ABCA9: variants seen among roughly 807,000 people sequenced by gnomAD.
The protein encoded by ABCA9 is ATP binding cassette subfamily A member 9.
In ABCA9, 183 loss-of-function variants were observed where a neutral mutation model predicts 205.3. The observed-to-expected ratio is 0.89, with a 90% CI of 0.79 to 1.01. The LOEUF (loss-of-function observed/expected upper bound fraction) is 1.01, where lower values mean the gene tolerates loss of function less well. Ranked by LOEUF, ABCA9 falls within the 50% of genes least tolerant of loss-of-function variation. The probability of loss-of-function intolerance (pLI) is 0.00; values close to 1 mark genes in which losing one functional copy is unlikely to be tolerated. For missense variants in ABCA9, 1,805 were observed against 1,912.4 expected (o/e 0.94, Z 1.05); for synonymous variants, 651 against 683.3 (o/e 0.95, Z 0.74).
At chr17:68,996,106 T>C (rs1423013872) in intron 25 of ABCA9, 92 bp from the exon 26 acceptor site, 5 of 1,386,418 alleles carry the variant, frequency 3.6e-6, no homozygotes, top group African/African-American at 2.9e-5. Flanking sequence ...TTATAAACGT[T>C]GTTATTTTCA....
upstream of ABCA9, among the ~76,000 whole-genome samples, chr17:69,064,378 C>T (rs912999318): frequency 6.6e-5 from 10 of 152,196 alleles, no homozygotes; most frequent in African/African-American, 2.4e-4. Flanking sequence ...TATAAAAAAT[C>T]AGCCTATGTC....
intron 32 of ABCA9, 54 bp from the exon 33 acceptor site, chr17:68,985,182 G>T: frequency 1.2e-6 from 2 of 1,605,954 alleles, no homozygotes. Context: ...ATGTACATGG[G>T]AGAATGAGCA....
intron 4 of ABCA9, 34 bp downstream of exon 4, chr17:69,045,138 A>T (rs1302670052): frequency 6.3e-7 from 1 of 1,599,922 alleles, no homozygotes; most frequent in Non-Finnish European, 8.5e-7. Context: ...CTGATACAAT[A>T]GCAAAAAAAA....
chr17:69,057,005 T>C (rs2072088799), intron 1 of ABCA9, among the ~76,000 whole-genome samples: 1 of 152,206 alleles, frequency 6.6e-6, no homozygotes, highest in Non-Finnish European at 1.5e-5. Flanking sequence ...CATAAAAATG[T>C]AATTATTGTG....
At chr17:68,993,656 C>A (rs892162438) in intron 26 of ABCA9, among the ~76,000 whole-genome samples, 1 of 152,194 alleles carries the variant, frequency 6.6e-6, no homozygotes, top group East Asian at 1.9e-4. Context: ...TATTTACCAA[C>A]AAGTTTCCTG....
upstream of ABCA9, among the ~76,000 whole-genome samples, chr17:69,063,921 C>CT (rs1166126680): frequency 2.6e-5 from 4 of 152,150 alleles, no homozygotes; most frequent in South Asian, 2.1e-4. Context: ...TTGTTTTGTG[C>CT]TTTTTTTGCC....
chr17:68,989,284 A>C (rs2069364905), intron 30 of ABCA9, 166 bp from the exon 31 acceptor site: 1 of 522,616 alleles, frequency 1.9e-6, no homozygotes, highest in East Asian at 3.1e-5. Context: ...ACACACACAC[A>C]CACACACACA....
Position 69,033,723 on chromosome 17 carries a change from T to C in ABCA9, c.1276+3A>G. On this transcript the variant is annotated splice_donor_region_variant and intron_variant, in intron 9 of 38. Coordinates refer to ENST00000340001, the MANE Select transcript of ABCA9 (RefSeq NM_080283.4). Reference sequence around the variant, plus strand: ...GTTAAATTACAGCCATGTTAGTACTTACCGGGCAAAATTTTGTCAAAATAT... The same window carrying C: ...GTTAAATTACAGCCATGTTAGTACTCACCGGGCAAAATTTTGTCAAAATAT... 6.2e-7 allele frequency: 1 copy of C among 1,605,696 alleles called. No individual in the cohort carries two copies. The highest frequency in any genetic ancestry group is 8.5e-7 in the Non-Finnish European group (1 of 1,175,632).
intron 6 of ABCA9, chr17:69,043,064 TG>T: frequency 5.7e-6 from 1 of 176,002 alleles, no homozygotes; most frequent in Non-Finnish European, 1.2e-5. Context: ...AGATCCCATC[TG>T]GGGGTGATGG....
chr17:69,041,782 C>G (rs2071553544), intron 6 of ABCA9, among the ~76,000 whole-genome samples: 1 of 144,020 alleles, frequency 6.9e-6, no homozygotes, highest in South Asian at 2.2e-4. Flanking sequence ...TTTTTTAGTA[C>G]TGAGTTAACT....
chr17:69,001,934 G>C (rs1465161492), intron 25 of ABCA9, among the ~76,000 whole-genome samples: 3 of 150,818 alleles, frequency 2.0e-5, no homozygotes, highest in African/African-American at 7.3e-5. Context: ...TCTGATGGTA[G>C]TTTGTATTTC....
chr17:69,074,041 C>T, the ABCA9 span, among the ~76,000 whole-genome samples: 2 of 152,044 alleles, frequency 1.3e-5, no homozygotes, highest in African/African-American at 4.8e-5. Context: ...TGTGATTTAT[C>T]ACCTGGTTTT....
At chr17:68,983,272 C>G (rs2069122227) in intron 36 of ABCA9, among the ~76,000 whole-genome samples, 1 of 152,108 alleles carries the variant, frequency 6.6e-6, no homozygotes, top group South Asian at 2.1e-4. Context: ...GATTCTACTC[C>G]TGTCTCCACA....
At chr17:68,984,840 A>C (rs2069174607) in intron 34 of ABCA9, 45 bp downstream of exon 34, 1 of 1,609,272 alleles carries the variant, frequency 6.2e-7, no homozygotes, top group Non-Finnish European at 8.5e-7. Context: ...CAGTTTTCAC[A>C]GGATCAATAC....
chr17:69,062,623 G>A (rs1185041192), upstream of ABCA9, among the ~76,000 whole-genome samples: 1 of 152,050 alleles, frequency 6.6e-6, no homozygotes, highest in Non-Finnish European at 1.5e-5. Flanking sequence ...CGATTCTCCT[G>A]CCTCAGCCTC....
At chr17:69,027,564 G>T in intron 13 of ABCA9, 76 bp downstream of exon 13, 1 of 1,566,250 alleles carries the variant, frequency 6.4e-7, no homozygotes, top group Non-Finnish European at 8.7e-7. Flanking sequence ...GAGGAATTAT[G>T]TATAACTTAG....
At chr17:69,053,731 C>CA (rs1432169026) in intron 1 of ABCA9, among the ~76,000 whole-genome samples, 2 of 151,636 alleles carry the variant, frequency 1.3e-5, no homozygotes, top group South Asian at 4.2e-4. Flanking sequence ...ATGGGAATAC[C>CA]AAAAAGAGAG....
intron 19 of ABCA9, among the ~76,000 whole-genome samples, chr17:69,019,654 G>T (rs1470918939): frequency 6.6e-6 from 1 of 152,158 alleles, no homozygotes; most frequent in Non-Finnish European, 1.5e-5. Flanking sequence ...TAATAATAGA[G>T]TGTTGCATAG....
intron 6 of ABCA9, among the ~76,000 whole-genome samples, chr17:69,037,214 C>A (rs1404128498): frequency 6.6e-6 from 1 of 152,098 alleles, no homozygotes; most frequent in Non-Finnish European, 1.5e-5. Flanking sequence ...ACCAAGCAGA[C>A]CTAATAGACA....
Sources: gnomAD v4.1 joint callset for allele counts (sites outside exome capture counted in the v4.1 genomes callset) on GRCh38, gnomAD v4.1.1 for gene constraint, MANE v1.5 for transcripts, NCBI Gene and HGNC (gene_info 2026-07-23, HGNC 2026-07-21) for gene names.